Variants in NELL1 observed in about 807,000 individuals in gnomAD.
NELL1 encodes the protein protein kinase C-binding protein NELL1.
In NELL1, 76 loss-of-function variants were observed where a neutral mutation model predicts 107.4. The ratio of observed to expected loss-of-function variants is 0.71; its 90% CI spans 0.59 to 0.86. The LOEUF (loss-of-function observed/expected upper bound fraction) is 0.86, where lower values mean the gene tolerates loss of function less well. Ranked by LOEUF, NELL1 falls within the 40% of genes least tolerant of loss-of-function variation. The pLI is 0.00. For synonymous variants in NELL1, 353 were observed against 341.2 expected (o/e 1.03, Z -0.38); for missense variants, 1,024 against 1,005.5 (o/e 1.02, Z -0.25).
At chr11:21,472,900 G>T (rs915770594) in intron 15 of NELL1, among the ~76,000 whole-genome samples, 1 of 150,686 alleles carries the variant, frequency 6.6e-6, no homozygotes, top group African/African-American at 2.4e-5. Context: ...GTGATTATCA[G>T]TTATTGGATG....
intron 11 of NELL1, among the ~76,000 whole-genome samples, chr11:20,955,647 A>T (rs1851155454): frequency 6.6e-6 from 1 of 152,224 alleles, no homozygotes; most frequent in Admixed American, 6.5e-5. Flanking sequence ...CAAGTGCCTT[A>T]CATGGATTAG....
At chr11:21,096,915 T>C (rs1205563736) in intron 12 of NELL1, among the ~76,000 whole-genome samples, 4 of 151,950 alleles carry the variant, frequency 2.6e-5, no homozygotes, top group Admixed American at 1.3e-4. Flanking sequence ...ACGGGTTTTG[T>C]TGTGTTGTCC....
intron 4 of NELL1, among the ~76,000 whole-genome samples, chr11:20,852,482 C>G (rs953888161): frequency 6.6e-6 from 1 of 152,212 alleles, no homozygotes; most frequent in Admixed American, 6.5e-5. Context: ...ATAATGAAAT[C>G]TGTTGATATG....
At chr11:21,413,341 G>A (rs565693960) in intron 15 of NELL1, among the ~76,000 whole-genome samples, 3 of 152,036 alleles carry the variant, frequency 2.0e-5, no homozygotes, top group East Asian at 3.9e-4. Context: ...TGACACTCAA[G>A]GGTGCTGGGG....
chr11:21,006,039 G>C (rs1011346922), intron 12 of NELL1, among the ~76,000 whole-genome samples: 4 of 151,118 alleles, frequency 2.6e-5, no homozygotes, highest in Non-Finnish European at 3.0e-5. Flanking sequence ...CATAGATTTG[G>C]GGGGGGGAGT....
At chr11:21,421,311 C>T (rs1852663450) in intron 15 of NELL1, among the ~76,000 whole-genome samples, 1 of 152,088 alleles carries the variant, frequency 6.6e-6, no homozygotes, top group Non-Finnish European at 1.5e-5. Context: ...CTTGCAGTGT[C>T]CAGGGGAAGC....
intron 14 of NELL1, among the ~76,000 whole-genome samples, chr11:21,365,900 G>A (rs1261131336): frequency 1.3e-5 from 2 of 152,050 alleles, no homozygotes; most frequent in Non-Finnish European, 2.9e-5. Context: ...GTGTAAAGTT[G>A]GGGCAGAATT....
intron 15 of NELL1, among the ~76,000 whole-genome samples, chr11:21,418,188 G>T (rs1013412692): frequency 6.6e-6 from 1 of 152,054 alleles, no homozygotes; most frequent in African/African-American, 2.4e-5. Context: ...ACAGTACTGA[G>T]AAAAATAGGG....
chr11:21,462,619 T>G (rs1156618253), intron 15 of NELL1, among the ~76,000 whole-genome samples: 1 of 151,980 alleles, frequency 6.6e-6, no homozygotes, highest in Non-Finnish European at 1.5e-5. Flanking sequence ...CATCACCCCA[T>G]TTTTTCTCCA....
intron 2 of NELL1, among the ~76,000 whole-genome samples, chr11:20,701,104 G>A (rs2955429): frequency 0.39 from 59,747 of 151,936 alleles, 13,684 homozygotes; most frequent in African/African-American, 0.63. Flanking sequence ...ACAATGGTTG[G>A]ACTAGTTTAC....
chr11:21,435,073 G>T (rs1373933363), intron 15 of NELL1, among the ~76,000 whole-genome samples: 1 of 151,800 alleles, frequency 6.6e-6, no homozygotes, highest in East Asian at 1.9e-4. Flanking sequence ...TTCTAAGAGG[G>T]TTTTTTTGTG....
chr11:21,511,241 T>G (rs1013825073), intron 15 of NELL1, among the ~76,000 whole-genome samples: 17 of 152,214 alleles, frequency 1.1e-4, no homozygotes, highest in Non-Finnish European at 1.8e-4. Flanking sequence ...TAATCTCTCT[T>G]TACTTCCTGT....
At chr11:20,829,510 G>C (rs567175631) in intron 3 of NELL1, among the ~76,000 whole-genome samples, 1 of 151,660 alleles carries the variant, frequency 6.6e-6, no homozygotes, top group South Asian at 2.1e-4. Flanking sequence ...ACAGGTGTGA[G>C]CCACTGCACC....
At chr11:21,463,193 T>G (rs543474739) in intron 15 of NELL1, among the ~76,000 whole-genome samples, 203 of 152,158 alleles carry the variant, frequency 1.3e-3, no homozygotes, top group African/African-American at 4.7e-3. Flanking sequence ...AAATCTGTTC[T>G]CTTGTCTGGG....
At chr11:20,991,991 C>CAAAAAAAAAAAAAAAAA (rs57278158) in intron 12 of NELL1, among the ~76,000 whole-genome samples, 1 of 110,056 alleles carries the variant, frequency 9.1e-6, no homozygotes, top group Non-Finnish European at 1.9e-5. Context: ...GTGTAGCATG[C>CAAAAAAAAAAAAAAAAA]AAAAAAAAAA....
At chr11:21,196,882 TC>T (rs373307009) in intron 13 of NELL1, among the ~76,000 whole-genome samples, 2 of 148,564 alleles carry the variant, frequency 1.3e-5, no homozygotes, top group African/African-American at 5.0e-5. Flanking sequence ...TCTTTTCTTT[TC>T]TTTTTTTTTT....
intron 5 of NELL1, among the ~76,000 whole-genome samples, chr11:20,891,881 T>C (rs10833408): frequency 0.57 from 86,832 of 152,080 alleles, 30,131 homozygotes; most frequent in Non-Finnish European, 0.78. Context: ...CTTAGAGACC[T>C]ACAAAGAGAC....
At chr11:21,453,279 C>G (rs2133860993) in intron 15 of NELL1, among the ~76,000 whole-genome samples, 1 of 152,160 alleles carries the variant, frequency 6.6e-6, no homozygotes, top group Admixed American at 6.5e-5. Context: ...GCTTCACATA[C>G]TTTGAATCTT....
intron 12 of NELL1, among the ~76,000 whole-genome samples, chr11:21,067,587 G>GA (rs1853907113): frequency 6.6e-6 from 1 of 152,126 alleles, no homozygotes; most frequent in Non-Finnish European, 1.5e-5. Context: ...TTTCCTTGGG[G>GA]AAAAAGATGT....
Sources: gnomAD v4.1 joint callset for allele counts (sites outside exome capture counted in the v4.1 genomes callset) on GRCh38, gnomAD v4.1.1 for gene constraint, MANE v1.5 for transcripts, NCBI Gene and HGNC (gene_info 2026-07-23, HGNC 2026-07-21) for gene names.